The following SCN3B variants were observed in gnomAD, a reference collection of about 807,000 sequenced individuals.
The protein encoded by SCN3B is sodium voltage-gated channel beta subunit 3.
In SCN3B, 11 loss-of-function variants were observed where a neutral mutation model predicts 25.4. The observed-to-expected ratio is 0.43, with a 90% CI of 0.27 to 0.72. The LOEUF (loss-of-function observed/expected upper bound fraction) is 0.72, where lower values mean the gene tolerates loss of function less well. SCN3B is among the 30% of genes least tolerant of loss of function. The pLI, the probability that SCN3B is intolerant of heterozygous loss-of-function variation, is 0.18. For synonymous variants in SCN3B, 109 were observed against 110.7 expected (o/e 0.99, Z 0.09); for missense variants, 218 against 278.3 (o/e 0.78, Z 1.54).
intron 2 of SCN3B, among the ~76,000 whole-genome samples, chr11:123,646,253 C>T (rs1017264675): frequency 2.6e-5 from 4 of 152,204 alleles, no homozygotes; most frequent in African/African-American, 9.6e-5. Context: ...TTAAACCAGA[C>T]CACAGCAAGT....
intron 6 of SCN3B, 102 bp downstream of exon 6, chr11:123,634,019 C>T (rs1294380117): frequency 2.2e-6 from 2 of 923,526 alleles, no homozygotes; most frequent in Admixed American, 3.9e-5. Flanking sequence ...AGACAGTGAC[C>T]TAAGGGACCA....
chr11:123,646,732 G>A (rs1177434173), intron 2 of SCN3B, among the ~76,000 whole-genome samples: 3 of 152,134 alleles, frequency 2.0e-5, no homozygotes, highest in Non-Finnish European at 4.4e-5. Flanking sequence ...TAACTTGAGC[G>A]GGACAAGGCT....
intron 2 of SCN3B, among the ~76,000 whole-genome samples, chr11:123,646,117 A>G (rs1239627090): frequency 6.6e-6 from 1 of 152,106 alleles, no homozygotes; most frequent in African/African-American, 2.4e-5. Flanking sequence ...TCATTCCACC[A>G]CCACTCATTA....
At chr11:123,651,409 G>A (rs1389621752) in intron 2 of SCN3B, among the ~76,000 whole-genome samples, 1 of 151,462 alleles carries the variant, frequency 6.6e-6, no homozygotes, top group African/African-American at 2.4e-5. Flanking sequence ...TGTTGCCCAC[G>A]CTGGAGTGCA....
At position 123,654,608 on chromosome 11, in the gene SCN3B, T is replaced by C. The variant is rs1037948231; in HGVS notation, c.-408A>G. On this transcript the variant is annotated 5_prime_UTR_variant, in exon 1 of 7. It removes an upstream start codon present in the reference 5' UTR. Coordinates refer to ENST00000299333, the MANE Select transcript of SCN3B (RefSeq NM_001040151.2). Reference sequence around the variant, plus strand: ...GCCGTGTGTGCTGTCAGCCCTGACATGCGCAGGCGGCTCTCCGCCACCACC... The same window carrying C: ...GCCGTGTGTGCTGTCAGCCCTGACACGCGCAGGCGGCTCTCCGCCACCACC... The C allele has an allele frequency of 6.5e-6, 1 of 152,824 alleles. No homozygotes were observed. The highest frequency in any genetic ancestry group is 2.4e-5 in the African/African-American group (1 of 41,460). 9.5% of individuals were successfully genotyped at this position (152,824 alleles called of 1,614,324 possible).
chr11:123,644,794 AGAGAG>A (rs1955829854), intron 3 of SCN3B, among the ~76,000 whole-genome samples: 2 of 89,104 alleles, frequency 2.2e-5, no homozygotes, highest in African/African-American at 4.2e-5. Context: ...AGAGAGAGAG[AGAGAG>A]AATATATATA....
rs72552169 is a variant in SCN3B at position 123,642,952 on chromosome 11, T to C, written c.220-281A>G. On this transcript the variant is annotated intron_variant, in intron 3 of 6. Coordinates refer to ENST00000299333, the MANE Select transcript of SCN3B (RefSeq NM_001040151.2). This position sits in a 1 kb window ranked among gnomAD's most constrained non-coding sequence, Gnocchi z 4.3. ...CAGCCACGGGCGTGTAGGAAGAAGC[T>C]TGGCAGAAAAAAAGGGGTGGAAAGA... Among the ~76,000 whole-genome samples the C allele has an allele frequency of 8.3e-3, 1,249 of 151,286 alleles. 10 individuals carry two copies. Among genetic ancestry groups the C allele is most frequent in the Middle Eastern group, 0.014 (4 of 294 alleles).
At chr11:123,644,834 T>G in intron 3 of SCN3B, among the ~76,000 whole-genome samples, 1 of 129,646 alleles carries the variant, frequency 7.7e-6, no homozygotes, top group Non-Finnish European at 1.7e-5. Context: ...TATATATATA[T>G]ATATATACAC....
chr11:123,634,951 G>T (rs1054805995), intron 5 of SCN3B, among the ~76,000 whole-genome samples: 2 of 152,168 alleles, frequency 1.3e-5, no homozygotes, highest in East Asian at 3.8e-4. Flanking sequence ...TGCTTATGGA[G>T]TCTTCTAATG....
At chr11:123,638,479 G>A in intron 4 of SCN3B, 155 bp from the exon 5 acceptor site, 1 of 1,027,686 alleles carries the variant, frequency 9.7e-7, no homozygotes, top group Non-Finnish European at 1.4e-6. Context: ...CCCGCCCATT[G>A]GCTTTCTCAC....
At chr11:123,637,506 C>CT (rs113215219) in intron 5 of SCN3B, among the ~76,000 whole-genome samples, 1 of 151,946 alleles carries the variant, frequency 6.6e-6, no homozygotes, top group African/African-American at 2.4e-5. Context: ...AATAATGTTA[C>CT]TTTTTTGTTG....
At chr11:123,648,718 T>C (rs187225263) in intron 2 of SCN3B, among the ~76,000 whole-genome samples, 13 of 152,320 alleles carry the variant, frequency 8.5e-5, no homozygotes, top group African/African-American at 3.1e-4. Flanking sequence ...CATATCTGTG[T>C]GAAGGCATGT....
rs148818205 is a variant in SCN3B, at chr11:123,630,329, C to T, written c.*3470G>A. 22 of 152,750 alleles carry T rather than the reference C, an allele frequency of 1.4e-4. No individual in the cohort carries two copies. The highest frequency in any genetic ancestry group is 5.1e-4 in the African/African-American group (21 of 41,552). The allele number at this position is 152,750 out of a possible 1,614,324, so 9.5% of individuals were successfully genotyped here. A position where few individuals can be genotyped will look rare whatever the true frequency, so the allele number is the denominator to read the frequency against. ...CAGGGCCAACTGGATTGAGCAATCA[C>T]ATTCATGGCTGTGAAGTAGTAAGAA... On this transcript the variant is annotated 3_prime_UTR_variant, in exon 7 of 7. Coordinates refer to ENST00000299333, the MANE Select transcript of SCN3B (RefSeq NM_001040151.2).
chr11:123,638,863 C>A, intron 4 of SCN3B: 1 of 191,064 alleles, frequency 5.2e-6, no homozygotes, highest in Non-Finnish European at 1.1e-5. Context: ...TCATTCAGGG[C>A]CAACAAAGAC....
At chr11:123,650,784 G>A (rs1055213923) in intron 2 of SCN3B, among the ~76,000 whole-genome samples, 4 of 151,804 alleles carry the variant, frequency 2.6e-5, no homozygotes, top group East Asian at 3.9e-4. Flanking sequence ...TCCCTTCCCC[G>A]AGCTCATTTT....
rs1221337505 is a variant in SCN3B, at chr11:123,629,622, G to C, written c.*4177C>G. 1 of 152,262 alleles carries C rather than the reference G, an allele frequency of 6.6e-6. No homozygotes were observed. Among genetic ancestry groups the C allele is most frequent in the Non-Finnish European group, 1.5e-5 (1 of 68,092 alleles). The allele number at this position is 152,262 out of a possible 1,614,324, so 9.4% of individuals were successfully genotyped here. A position where few individuals can be genotyped will look rare whatever the true frequency, so the allele number is the denominator to read the frequency against. ...AAGGTTTGGATGATGCTGCTTTTCA[G>C]ACCTGTGACTGCATGGCACACTAAA... is the stretch of plus-strand genomic sequence containing the variant. On this transcript the variant is annotated 3_prime_UTR_variant, in exon 7 of 7. Transcript: ENST00000299333.
intron 5 of SCN3B, 122 bp downstream of exon 5, chr11:123,638,064 C>T (rs531712489): frequency 5.0e-6 from 6 of 1,204,826 alleles, no homozygotes; most frequent in South Asian, 3.9e-5. Context: ...TGGTGCCTAT[C>T]TCTTAAGCAG....
At chr11:123,644,008 A>T (rs1214640992) in intron 3 of SCN3B, among the ~76,000 whole-genome samples, 1 of 152,230 alleles carries the variant, frequency 6.6e-6, no homozygotes, top group Non-Finnish European at 1.5e-5. Context: ...AGAGCAAGCT[A>T]AACCCAGTTT....
rs1955662654 is a variant in SCN3B at position 123,630,822 on chromosome 11, G to A, written c.*2977C>T. 1 of 152,228 alleles carries A rather than the reference G, an allele frequency of 6.6e-6. No homozygotes were observed. Among genetic ancestry groups the A allele is most frequent in the Non-Finnish European group, 1.5e-5 (1 of 68,052 alleles). The allele number at this position is 152,228 out of a possible 1,614,324, so 9.4% of individuals were successfully genotyped here. A position where few individuals can be genotyped will look rare whatever the true frequency, so the allele number is the denominator to read the frequency against. ...GGTGAGAGAAGATGGAGAACATTAGGACAGGCAAGATAGGCAATGGTTAGA... is the reference window on the plus strand; with the variant it reads ...GGTGAGAGAAGATGGAGAACATTAGAACAGGCAAGATAGGCAATGGTTAGA... On this transcript the variant is annotated 3_prime_UTR_variant, in exon 7 of 7. Transcript: ENST00000299333.
Sources: allele counts gnomAD v4.1 joint callset (sites outside exome capture counted in the v4.1 genomes callset), GRCh38; gene constraint gnomAD v4.1.1; non-coding constraint Gnocchi (gnomAD v3.1); transcripts MANE v1.5; gene names NCBI Gene and HGNC (gene_info 2026-07-23, HGNC 2026-07-21).